Variants in SPOCK3 observed in about 807,000 individuals in gnomAD.
SPOCK3 encodes SPARC (osteonectin), cwcv and kazal like domains proteoglycan 3, also known as testican-3.
A neutral mutation model predicts 56.6 loss-of-function variants in SPOCK3; 30 were observed. The ratio of observed to expected loss-of-function variants is 0.53; its 90% CI spans 0.40 to 0.72. The LOEUF is 0.72. Ranked by LOEUF, SPOCK3 falls within the 30% of genes least tolerant of loss-of-function variation. The probability of loss-of-function intolerance (pLI) is 0.00; values close to 1 mark genes in which losing one functional copy is unlikely to be tolerated. For synonymous variants in SPOCK3, 196 were observed against 183.3 expected (o/e 1.07, Z -0.56); for missense variants, 527 against 530.0 (o/e 0.99, Z 0.06).
chr4:167,185,121 GGT>G (rs1287148007), intron 2 of SPOCK3, among the ~76,000 whole-genome samples: 1 of 152,086 alleles, frequency 6.6e-6, no homozygotes, highest in Non-Finnish European at 1.5e-5. Context: ...AAATTAACTG[GGT>G]GAAAGCAAAA....
intron 2 of SPOCK3, among the ~76,000 whole-genome samples, chr4:167,064,735 G>T (rs1026532938): frequency 4.0e-5 from 6 of 151,728 alleles, no homozygotes; most frequent in Non-Finnish European, 8.8e-5. Context: ...CTTTAGAAAA[G>T]ATGATGGCCT....
intron 6 of SPOCK3, among the ~76,000 whole-genome samples, chr4:166,888,220 C>T (rs527406327): frequency 6.6e-6 from 1 of 151,948 alleles, no homozygotes; most frequent in Non-Finnish European, 1.5e-5. Context: ...ATTTCATACT[C>T]AATACGTTTT....
intron 7 of SPOCK3, among the ~76,000 whole-genome samples, chr4:166,774,093 C>T (rs551680014): frequency 6.6e-6 from 1 of 152,146 alleles, no homozygotes; most frequent in Non-Finnish European, 1.5e-5. Context: ...ATAATAATCA[C>T]AATTCCAAAT....
chr4:167,021,644 T>C (rs759812725), intron 3 of SPOCK3, among the ~76,000 whole-genome samples: 45 of 152,054 alleles, frequency 3.0e-4, no homozygotes, highest in Admixed American at 6.6e-4. Flanking sequence ...ACCAACTAAC[T>C]TGAGGAAATT....
At chr4:166,887,399 T>G (rs1478628323) in intron 6 of SPOCK3, among the ~76,000 whole-genome samples, 2 of 152,180 alleles carry the variant, frequency 1.3e-5, no homozygotes, top group South Asian at 4.1e-4. Context: ...TCATGGATAG[T>G]GAACCTGGTA....
chr4:166,772,049 C>T (rs17052591), intron 7 of SPOCK3, among the ~76,000 whole-genome samples: 119,403 of 151,880 alleles, frequency 0.79, 47,175 homozygotes, highest in South Asian at 0.82. Flanking sequence ...AAGAAAATCA[C>T]GGAAAATCAG....
At chr4:166,894,646 G>T (rs189348163) in intron 5 of SPOCK3, among the ~76,000 whole-genome samples, 6 of 152,216 alleles carry the variant, frequency 3.9e-5, no homozygotes, top group African/African-American at 1.4e-4. Flanking sequence ...TGCAATCCTT[G>T]TCATGTAGTC....
intron 6 of SPOCK3, among the ~76,000 whole-genome samples, chr4:166,793,021 C>G (rs1741516413): frequency 1.3e-5 from 2 of 152,012 alleles, no homozygotes; most frequent in South Asian, 4.1e-4. Flanking sequence ...GTGTGTGTGA[C>G]TGGCTTAAAA....
intron 4 of SPOCK3, among the ~76,000 whole-genome samples, chr4:166,922,894 C>T (rs1016458545): frequency 5.9e-5 from 9 of 152,140 alleles, no homozygotes; most frequent in South Asian, 4.1e-4. Flanking sequence ...TTTTTCCTTT[C>T]GTTAGATCAC....
intron 7 of SPOCK3, among the ~76,000 whole-genome samples, chr4:166,766,977 G>A (rs1371616512): frequency 1.3e-5 from 2 of 152,176 alleles, no homozygotes; most frequent in Admixed American, 6.6e-5. Context: ...TATTTGTGTA[G>A]AGGTGTTTAT....
intron 2 of SPOCK3, among the ~76,000 whole-genome samples, chr4:167,120,880 T>C (rs920845888): frequency 2.6e-5 from 4 of 152,008 alleles, no homozygotes; most frequent in African/African-American, 9.7e-5. Flanking sequence ...AATGTTACCA[T>C]TTAAATCAAT....
chr4:166,976,287 A>G (rs545481319), intron 4 of SPOCK3, among the ~76,000 whole-genome samples: 114 of 152,164 alleles, frequency 7.5e-4, no homozygotes, highest in Non-Finnish European at 7.2e-4. Flanking sequence ...CTTCAATGTA[A>G]GTATTTCATA....
chr4:167,206,509 A>T (rs1734350345), intron 2 of SPOCK3, among the ~76,000 whole-genome samples: 1 of 152,098 alleles, frequency 6.6e-6, no homozygotes, highest in South Asian at 2.1e-4. Context: ...AAATAAAACT[A>T]TTATGTTGTT....
rs373655195 is a variant in SPOCK3 at position 166,839,036 on chromosome 4, A to C, written c.590-46747T>G. On this transcript the variant is annotated intron_variant, in intron 6 of 10. Coordinates refer to ENST00000357545, the MANE Select transcript of SPOCK3 (RefSeq NM_001040159.2). ...ATTAGTGTCTGTGGTTACATTTTTC[A>C]TTCAGTCTGTTGTCTTCCTGGTTGT... Among the ~76,000 whole-genome samples the C allele has an allele frequency of 3.9e-5, 6 of 152,150 alleles. No individual in the cohort carries two copies. In the East Asian group the frequency reaches 5.8e-4, roughly 15 times the overall value.
chr4:166,795,710 A>G (rs995640564), intron 6 of SPOCK3, among the ~76,000 whole-genome samples: 3 of 151,924 alleles, frequency 2.0e-5, no homozygotes, highest in South Asian at 2.1e-4. Context: ...ATTTATTAAT[A>G]GTAATTATCA....
intron 5 of SPOCK3, among the ~76,000 whole-genome samples, chr4:166,902,901 T>C (rs1736209684): frequency 6.6e-6 from 1 of 150,794 alleles, no homozygotes; most frequent in African/African-American, 2.4e-5. Context: ...GTTTCATACA[T>C]TAATATATAT....
intron 4 of SPOCK3, among the ~76,000 whole-genome samples, chr4:166,941,268 CAG>C (rs1741034098): frequency 6.6e-6 from 1 of 151,968 alleles, no homozygotes; most frequent in African/African-American, 2.4e-5. Context: ...ACAAGAGAAA[CAG>C]AAAAAAATGG....
intron 2 of SPOCK3, among the ~76,000 whole-genome samples, chr4:167,122,177 T>A (rs917295817): frequency 6.6e-6 from 1 of 151,906 alleles, no homozygotes; most frequent in Non-Finnish European, 1.5e-5. Context: ...TCTTTCTCTC[T>A]CTTTCTTGAG....
At chr4:166,951,739 C>G (rs1742648497) in intron 4 of SPOCK3, among the ~76,000 whole-genome samples, 1 of 143,478 alleles carries the variant, frequency 7.0e-6, no homozygotes, top group Admixed American at 6.7e-5. Context: ...CCACCATGAT[C>G]AAGTGGGCTT....
Sources: gnomAD v4.1 joint callset for allele counts (sites outside exome capture counted in the v4.1 genomes callset) on GRCh38, gnomAD v4.1.1 for gene constraint, MANE v1.5 for transcripts, NCBI Gene and HGNC (gene_info 2026-07-23, HGNC 2026-07-21) for gene names.